The following RALYL variants were observed in gnomAD, a reference collection of about 807,000 sequenced individuals.
The protein encoded by RALYL is RNA-binding Raly-like protein.
RALYL carries 29 observed loss-of-function variants against 35.1 expected under a neutral mutation model. The observed-to-expected ratio is 0.83, with a 90% confidence interval of 0.61 to 1.13. RALYL has a LOEUF of 1.13. Ranked by LOEUF, RALYL falls within the 50% of genes most tolerant of loss-of-function variation. The pLI is 0.00. For synonymous variants in RALYL, 120 were observed against 127.6 expected, an observed-to-expected ratio of 0.94 and a Z score of 0.40; for missense variants, 359 against 360.4, an observed-to-expected ratio of 1.00 and a Z score of 0.03.
rs186164619 is a variant in RALYL at position 84,782,857 on chromosome 8, T to G, written c.332+8203T>G. ...TTGCTTGTAAGTTGAAGTATCTTCATTGTCAGTGTTGATTTCATTTGTTTT... is the reference window on the plus strand; with the variant it reads ...TTGCTTGTAAGTTGAAGTATCTTCAGTGTCAGTGTTGATTTCATTTGTTTT... On this transcript the variant is annotated intron_variant, in intron 3 of 8. Transcript: ENST00000521268. Among the ~76,000 whole-genome samples the G allele has an allele frequency of 2.1e-4, 32 of 152,348 alleles. 1 individual carries two copies. Among genetic ancestry groups the G allele is most frequent in the Admixed American group, 2.0e-3 (31 of 15,298 alleles).
At chr8:84,605,564 G>C (rs191494672) in intron 2 of RALYL, among the ~76,000 whole-genome samples, 55 of 152,142 alleles carry the variant, frequency 3.6e-4, no homozygotes, top group African/African-American at 1.2e-3. Context: ...GCTCAACCCT[G>C]TTCAGTTTTC....
At chr8:84,415,999 A>C (rs376573145) in intron 1 of RALYL, among the ~76,000 whole-genome samples, 3 of 152,330 alleles carry the variant, frequency 2.0e-5, no homozygotes, top group East Asian at 3.9e-4. Flanking sequence ...TGAGTGACGA[A>C]GGATCATTTA....
chr8:84,380,071 G>A (rs1313255832), intron 1 of RALYL, among the ~76,000 whole-genome samples: 2 of 151,708 alleles, frequency 1.3e-5, no homozygotes, highest in Non-Finnish European at 2.9e-5. Context: ...GTGTGTGTGT[G>A]TGTGTGTGTG....
intron 1 of RALYL, among the ~76,000 whole-genome samples, chr8:84,326,595 T>A (rs1845839970): frequency 6.6e-6 from 1 of 152,182 alleles, no homozygotes; most frequent in Admixed American, 6.5e-5. Context: ...AATAACATTA[T>A]ACCAGCCCAA....
intron 2 of RALYL, among the ~76,000 whole-genome samples, chr8:84,742,528 G>A (rs545189041): frequency 1.3e-5 from 2 of 151,934 alleles, no homozygotes; most frequent in South Asian, 2.1e-4. Context: ...CCACATAATC[G>A]ATTACCTCAT....
chr8:84,568,400 T>G (rs897257855), intron 2 of RALYL, among the ~76,000 whole-genome samples: 1 of 151,848 alleles, frequency 6.6e-6, no homozygotes, highest in Non-Finnish European at 1.5e-5. Context: ...TATGGCTGCA[T>G]AGTATTCCAT....
intron 1 of RALYL, among the ~76,000 whole-genome samples, chr8:84,451,582 G>C (rs967338193): frequency 6.6e-6 from 1 of 151,986 alleles, no homozygotes; most frequent in African/African-American, 2.4e-5. Flanking sequence ...TATCAGGCTT[G>C]AATTCTTAGT....
intron 1 of RALYL, among the ~76,000 whole-genome samples, chr8:84,289,136 G>C (rs928937292): frequency 6.6e-6 from 1 of 152,052 alleles, no homozygotes. Context: ...TTAAAGCAAG[G>C]CTCCAGCAGA....
In RALYL at chr8:84,430,500, C is replaced by G. The variant is rs368040432; in HGVS notation, c.-23-98799C>G. 1.5e-3 allele frequency among the ~76,000 whole-genome samples: 225 copies of G among 152,050 alleles called. 2 individuals carry two copies. Among genetic ancestry groups the G allele is most frequent in the African/African-American group, 4.4e-3 (184 of 41,496 alleles). Reference sequence around the variant, plus strand: ...CAAAGTGGCAATGTGCAAAGGACTACAAAAAACATCTATTCTCCATCTGAG... The same window carrying G: ...CAAAGTGGCAATGTGCAAAGGACTAGAAAAAACATCTATTCTCCATCTGAG... On this transcript the variant is annotated intron_variant, in intron 1 of 8. Transcript: ENST00000521268.
At chr8:84,382,510 T>C (rs138673852) in intron 1 of RALYL, among the ~76,000 whole-genome samples, 1 of 151,904 alleles carries the variant, frequency 6.6e-6, no homozygotes. Flanking sequence ...AAAATTAACA[T>C]AATTTATTTA....
chr8:84,801,777 G>T (rs1823337970), intron 3 of RALYL, among the ~76,000 whole-genome samples: 1 of 152,144 alleles, frequency 6.6e-6, no homozygotes, highest in Admixed American at 6.5e-5. Flanking sequence ...AAACTGGTGA[G>T]GGCATGTTTG....
At chr8:84,843,177 G>C (rs1271884048) in intron 4 of RALYL, among the ~76,000 whole-genome samples, 1 of 152,174 alleles carries the variant, frequency 6.6e-6, no homozygotes, top group Non-Finnish European at 1.5e-5. Flanking sequence ...AAGTCATATT[G>C]TCCCTGTTTG....
intron 2 of RALYL, among the ~76,000 whole-genome samples, chr8:84,621,690 C>G (rs113097491): frequency 6.6e-6 from 1 of 152,172 alleles, no homozygotes; most frequent in Admixed American, 6.5e-5. Context: ...AAGGCTTTTT[C>G]TAATTTACTT....
chr8:84,529,218 G>T, intron 1 of RALYL, 81 bp from the exon 2 acceptor site: 2 of 1,446,946 alleles, frequency 1.4e-6, no homozygotes, highest in Non-Finnish European at 1.9e-6. Context: ...TTGAAAAACT[G>T]TTAAAAAGCC....
At chr8:84,865,141 T>C (rs928160157) in intron 6 of RALYL, among the ~76,000 whole-genome samples, 2 of 152,226 alleles carry the variant, frequency 1.3e-5, no homozygotes, top group Admixed American at 1.3e-4. Context: ...TATATGTGCA[T>C]GTATAAATAT....
chr8:84,437,663 A>G (rs764977363), intron 1 of RALYL, among the ~76,000 whole-genome samples: 22 of 152,102 alleles, frequency 1.4e-4, no homozygotes, highest in Non-Finnish European at 2.2e-4. Flanking sequence ...TGTAATTCCT[A>G]GTGCTGGAGG....
At chr8:84,621,378 CCTTT>C (rs1564257970) in intron 2 of RALYL, among the ~76,000 whole-genome samples, 1 of 152,166 alleles carries the variant, frequency 6.6e-6, no homozygotes, top group African/African-American at 2.4e-5. Flanking sequence ...GGCTGTCCCC[CCTTT>C]CTTTGACTAG....
intron 2 of RALYL, among the ~76,000 whole-genome samples, chr8:84,567,773 G>A (rs1244987506): frequency 6.6e-6 from 1 of 151,408 alleles, no homozygotes; most frequent in African/African-American, 2.4e-5. Context: ...GTTCTTTGAG[G>A]TGTCTTCATA....
intron 3 of RALYL, among the ~76,000 whole-genome samples, chr8:84,790,747 T>C (rs544446212): frequency 3.9e-5 from 6 of 152,236 alleles, no homozygotes; most frequent in African/African-American, 1.4e-4. Flanking sequence ...TGGAAGAAGA[T>C]TCATGGAAAA....
Sources: gnomAD v4.1 joint callset for allele counts (sites outside exome capture counted in the v4.1 genomes callset) on GRCh38, gnomAD v4.1.1 for gene constraint, MANE v1.5 for transcripts, NCBI Gene and HGNC (gene_info 2026-07-23, HGNC 2026-07-21) for gene names.